NKAIN2: variants seen among roughly 807,000 people sequenced by gnomAD.
The protein encoded by NKAIN2 is sodium/potassium-transporting ATPase subunit beta-1-interacting protein 2.
A neutral mutation model predicts 32.6 loss-of-function variants in NKAIN2; 14 were observed. The ratio of observed to expected loss-of-function variants is 0.43; its 90% CI spans 0.28 to 0.67. The LOEUF (loss-of-function observed/expected upper bound fraction) is 0.67. Ranked by LOEUF, NKAIN2 falls within the 30% of genes least tolerant of loss-of-function variation. NKAIN2 has a pLI of 0.17. For missense variants in NKAIN2, 198 were observed against 258.3 expected (o/e 0.77, Z 1.60); for synonymous variants, 80 against 87.2 (o/e 0.92, Z 0.46).
At chr6:123,956,024 T>C (rs1278870305) in intron 1 of NKAIN2, among the ~76,000 whole-genome samples, 1 of 152,132 alleles carries the variant, frequency 6.6e-6, no homozygotes, top group African/African-American at 2.4e-5. Context: ...AATGCATGGA[T>C]GCTTAACTTG....
At chr6:124,630,327 G>A (rs1308483782) in intron 3 of NKAIN2, among the ~76,000 whole-genome samples, 1 of 152,104 alleles carries the variant, frequency 6.6e-6, no homozygotes, top group African/African-American at 2.4e-5. Context: ...ATTACACATG[G>A]TCACAAATCT....
intron 1 of NKAIN2, among the ~76,000 whole-genome samples, chr6:123,956,601 G>A (rs917988511): frequency 1.3e-5 from 2 of 152,142 alleles, no homozygotes; most frequent in Non-Finnish European, 2.9e-5. Flanking sequence ...CTGCATTTAA[G>A]CCACCCCATC....
intron 3 of NKAIN2, among the ~76,000 whole-genome samples, chr6:124,539,761 C>A (rs955093253): frequency 5.3e-5 from 8 of 152,096 alleles, no homozygotes; most frequent in Non-Finnish European, 1.0e-4. Flanking sequence ...CGCTTTGTTG[C>A]CCAGGCTGGA....
At chr6:124,793,409 AAACT>A (rs1051599136) in intron 5 of NKAIN2, among the ~76,000 whole-genome samples, 10 of 152,182 alleles carry the variant, frequency 6.6e-5, no homozygotes, top group African/African-American at 2.4e-4. Context: ...TGGACCAAAC[AAACT>A]ATGTAAGTTC....
chr6:124,196,775 A>T (rs1032213399), intron 1 of NKAIN2, among the ~76,000 whole-genome samples: 31 of 152,142 alleles, frequency 2.0e-4, no homozygotes, highest in Admixed American at 3.9e-4. Context: ...TATAAAACAT[A>T]ATATATTTGT....
intron 1 of NKAIN2, among the ~76,000 whole-genome samples, chr6:124,188,730 T>G (rs998118645): frequency 2.0e-5 from 3 of 152,336 alleles, no homozygotes; most frequent in Middle Eastern, 3.4e-3. Context: ...GGGAATTCTA[T>G]AAAGCTCTGA....
At chr6:124,397,628 T>C (rs1027681276) in intron 3 of NKAIN2, among the ~76,000 whole-genome samples, 1 of 147,764 alleles carries the variant, frequency 6.8e-6, no homozygotes, top group Non-Finnish European at 1.5e-5. Context: ...CGTTGAAATG[T>C]GGAAAAAAAA....
chr6:124,134,715 T>C (rs1159988729), intron 1 of NKAIN2, among the ~76,000 whole-genome samples: 2 of 152,052 alleles, frequency 1.3e-5, no homozygotes, highest in Admixed American at 6.6e-5. Context: ...TTTGGTAAAC[T>C]TATTTGAGGG....
chr6:124,421,925 C>T (rs185747477), intron 3 of NKAIN2, among the ~76,000 whole-genome samples: 4 of 152,194 alleles, frequency 2.6e-5, no homozygotes, highest in African/African-American at 4.8e-5. Flanking sequence ...TTCTCAATTG[C>T]CTTCTGTTCA....
intron 1 of NKAIN2, among the ~76,000 whole-genome samples, chr6:124,054,619 T>C (rs1782566783): frequency 6.6e-6 from 1 of 152,086 alleles, no homozygotes; most frequent in African/African-American, 2.4e-5. Context: ...ACTCTAGCCA[T>C]AGAGTCAGAA....
At chr6:123,811,069 T>TCCTC (rs1195635261) in intron 1 of NKAIN2, among the ~76,000 whole-genome samples, 2 of 152,198 alleles carry the variant, frequency 1.3e-5, no homozygotes, top group African/African-American at 4.8e-5. Flanking sequence ...TGGCCTAGAA[T>TCCTC]ATGTGTCTTC....
At chr6:124,144,259 A>T (rs1465482933) in intron 1 of NKAIN2, among the ~76,000 whole-genome samples, 2 of 152,190 alleles carry the variant, frequency 1.3e-5, no homozygotes, top group Non-Finnish European at 2.9e-5. Context: ...CTATCATATG[A>T]GGGTACTTAC....
chr6:123,819,125 C>G (rs947106261), intron 1 of NKAIN2, among the ~76,000 whole-genome samples: 2 of 152,056 alleles, frequency 1.3e-5, no homozygotes, highest in African/African-American at 4.8e-5. Context: ...AGAATACATT[C>G]TTTATTTCTT....
chr6:123,874,588 A>G (rs1773074911), intron 1 of NKAIN2, among the ~76,000 whole-genome samples: 1 of 152,194 alleles, frequency 6.6e-6, no homozygotes, highest in Non-Finnish European at 1.5e-5. Flanking sequence ...TTAGAAAACA[A>G]AATACTAATG....
chr6:124,757,982 A>G (rs1778046224), intron 4 of NKAIN2, among the ~76,000 whole-genome samples: 1 of 152,188 alleles, frequency 6.6e-6, no homozygotes, highest in South Asian at 2.1e-4. Flanking sequence ...TAGAAAAACA[A>G]GAGAACAAAG....
chr6:124,529,265 T>A (rs574568226), intron 3 of NKAIN2, among the ~76,000 whole-genome samples: 17 of 152,228 alleles, frequency 1.1e-4, no homozygotes, highest in African/African-American at 4.1e-4. Context: ...ATAGAATGAA[T>A]GATAACGTTA....
Position 124,135,331 on chromosome 6 carries a change from G to A in NKAIN2, c.55-147674G>A, listed in dbSNP as rs919514369. Among the ~76,000 whole-genome samples, 4 of 151,386 alleles carry A rather than the reference G, an allele frequency of 2.6e-5. No individual in the cohort carries two copies. The East Asian group carries it at 5.8e-4, about 22-fold the overall frequency. ...ATGCTCCACTTAAAAGATACAGAAC[G>A]GCAGATGGAAAAAATTCCACCAACC... On this transcript the variant is annotated intron_variant, in intron 1 of 6. Transcript: ENST00000368417.
At chr6:124,722,509 T>A (rs1457255390) in intron 4 of NKAIN2, among the ~76,000 whole-genome samples, 4 of 152,182 alleles carry the variant, frequency 2.6e-5, no homozygotes, top group African/African-American at 9.7e-5. Flanking sequence ...TGTTCCACCT[T>A]GGATCAGCAG....
intron 1 of NKAIN2, among the ~76,000 whole-genome samples, chr6:123,900,571 G>GTTTTTTTTTTTTTTTTT (rs1774530036): frequency 9.4e-5 from 1 of 10,658 alleles, no homozygotes; most frequent in Non-Finnish European, 4.8e-4. Context: ...TTTTTTTTTG[G>GTTTTTTTTTTTTTTTTT]TGACTTCAGA....
Sources: gnomAD v4.1 joint callset for allele counts (sites outside exome capture counted in the v4.1 genomes callset) on GRCh38, gnomAD v4.1.1 for gene constraint, MANE v1.5 for transcripts, NCBI Gene and HGNC (gene_info 2026-07-23, HGNC 2026-07-21) for gene names.